MYO16: variants seen among roughly 807,000 people sequenced by gnomAD.
MYO16 encodes the protein myosin XVI.
A neutral mutation model predicts 205.3 loss-of-function variants in MYO16; 94 were observed. The observed-to-expected ratio is 0.46, with a 90% CI of 0.39 to 0.54. The LOEUF is 0.54. Ranked by LOEUF, MYO16 falls within the 20% of genes least tolerant of loss-of-function variation. MYO16 has a pLI of 0.00. For missense variants in MYO16, 2,315 were observed against 2,387.5 expected, an observed-to-expected ratio of 0.97 and a Z score of 0.63; for synonymous variants, 988 against 954.0, an observed-to-expected ratio of 1.04 and a Z score of -0.66.
At chr13:109,196,773 C>T (rs1236150743) in intron 34 of MYO16, among the ~76,000 whole-genome samples, 1 of 152,146 alleles carries the variant, frequency 6.6e-6, no homozygotes, top group East Asian at 1.9e-4. Flanking sequence ...CCGTATAAAC[C>T]GTGACTTTGC....
At chr13:108,928,050 C>T (rs1882088651) in intron 16 of MYO16, among the ~76,000 whole-genome samples, 1 of 152,248 alleles carries the variant, frequency 6.6e-6, no homozygotes, top group African/African-American at 2.4e-5. Flanking sequence ...CTGTCTCCTT[C>T]TTTGCTCTGC....
At chr13:108,682,038 GC>G (rs1178277765) in intron 2 of MYO16, among the ~76,000 whole-genome samples, 2 of 152,290 alleles carry the variant, frequency 1.3e-5, no homozygotes, top group East Asian at 3.9e-4. Context: ...GGAGGGTGGG[GC>G]CAGGAATCTG....
the MYO16 span, among the ~76,000 whole-genome samples, chr13:108,506,621 A>G: frequency 6.6e-6 from 1 of 152,080 alleles, no homozygotes; most frequent in Non-Finnish European, 1.5e-5. Context: ...ACAGAATTAC[A>G]TGTTAACGGA....
chr13:109,072,671 G>T (rs1409740485), intron 27 of MYO16, among the ~76,000 whole-genome samples: 1 of 151,942 alleles, frequency 6.6e-6, no homozygotes, highest in East Asian at 1.9e-4. Flanking sequence ...CTCAACCACG[G>T]CTGCTCACTA....
intron 29 of MYO16, among the ~76,000 whole-genome samples, chr13:109,123,614 G>C (rs928406103): frequency 7.2e-5 from 11 of 151,946 alleles, no homozygotes; most frequent in Non-Finnish European, 1.3e-4. Context: ...TTTTCCTTTA[G>C]GTTACTTCAG....
chr13:108,746,776 G>A (rs781779065), intron 4 of MYO16, among the ~76,000 whole-genome samples: 2 of 152,054 alleles, frequency 1.3e-5, no homozygotes, highest in African/African-American at 2.4e-5. Flanking sequence ...ACACAGATCC[G>A]AGATGCTCAG....
At chr13:108,590,454 T>G in the MYO16 span, among the ~76,000 whole-genome samples, 4 of 152,356 alleles carry the variant, frequency 2.6e-5, no homozygotes, top group East Asian at 7.7e-4. Context: ...CAGACTTTGC[T>G]GTGCACATTT....
intron 4 of MYO16, among the ~76,000 whole-genome samples, chr13:108,778,377 G>A (rs1490982783): frequency 6.6e-6 from 1 of 152,198 alleles, no homozygotes; most frequent in Middle Eastern, 3.2e-3. Context: ...CCAACACTTT[G>A]GGAGGCCAAG....
chr13:108,960,966 A>G (rs1028549441), intron 17 of MYO16, among the ~76,000 whole-genome samples: 1 of 152,178 alleles, frequency 6.6e-6, no homozygotes, highest in Non-Finnish European at 1.5e-5. Context: ...TTAAAAAACA[A>G]TTAGCATTTT....
intron 28 of MYO16, among the ~76,000 whole-genome samples, chr13:109,113,393 C>T (rs536644657): frequency 5.7e-4 from 87 of 151,924 alleles, no homozygotes; most frequent in Admixed American, 1.1e-3. Flanking sequence ...AAGGGCCATA[C>T]AATAAAAAAG....
intron 12 of MYO16, among the ~76,000 whole-genome samples, chr13:108,869,950 A>G: frequency 6.6e-6 from 1 of 151,360 alleles, no homozygotes; most frequent in East Asian, 1.9e-4. Flanking sequence ...GATCACCAGA[A>G]TAATGTCAGA....
chr13:108,608,452 C>A (rs1879043664), intron 1 of MYO16, among the ~76,000 whole-genome samples: 2 of 152,174 alleles, frequency 1.3e-5, no homozygotes, highest in Middle Eastern at 3.2e-3. Context: ...AGCCAGAACC[C>A]TTCCTTGCAC....
chr13:109,051,443 A>C (rs925464522), intron 24 of MYO16, among the ~76,000 whole-genome samples: 2 of 152,118 alleles, frequency 1.3e-5, no homozygotes, highest in Non-Finnish European at 2.9e-5. Context: ...TTCACATTTT[A>C]ATTTTGCAGT....
chr13:108,645,368 T>C (rs1308380570), intron 1 of MYO16, among the ~76,000 whole-genome samples: 3 of 152,210 alleles, frequency 2.0e-5, no homozygotes, highest in African/African-American at 7.2e-5. Context: ...GATTCCCCAG[T>C]GTCTACGATA....
rs186185611 is a variant in MYO16, at chr13:108,711,128, G to T, written c.293-1533G>T. ...GGGGGGAAGAGCATCTCCATACCAC[G>T]AAACAGGACGGTTCTTAGAAATACA... On this transcript the variant is annotated intron_variant, in intron 2 of 34. Transcript: ENST00000457511. Among the ~76,000 whole-genome samples, 2 of 152,168 alleles carry T rather than the reference G, an allele frequency of 1.3e-5. 1 individual carries two copies. Among genetic ancestry groups the T allele is most frequent in the South Asian group, 4.1e-4 (2 of 4,838 alleles).
At chr13:108,652,167 A>ATG (rs1881041591) in intron 1 of MYO16, among the ~76,000 whole-genome samples, 2 of 149,136 alleles carry the variant, frequency 1.3e-5, no homozygotes, top group African/African-American at 2.5e-5. Flanking sequence ...GCGCGCGCGC[A>ATG]TGTGTGCGCG....
At chr13:109,022,308 TTATATATTATATACAAATATATATTTATA>T (rs1378358847) in intron 23 of MYO16, among the ~76,000 whole-genome samples, 3 of 9,162 alleles carry the variant, frequency 3.3e-4, no homozygotes, top group Non-Finnish European at 5.1e-4. Context: ...AAATATATAT[TTATATATTATATACAAATATATATTTATA>T]TATTATATAC....
intron 23 of MYO16, among the ~76,000 whole-genome samples, chr13:109,036,140 A>G (rs1315310294): frequency 6.6e-6 from 1 of 152,172 alleles, no homozygotes; most frequent in East Asian, 1.9e-4. Flanking sequence ...GCTCCAGCCA[A>G]CCCCTGGACC....
chr13:108,551,813 C>A, the MYO16 span, among the ~76,000 whole-genome samples: 1 of 152,160 alleles, frequency 6.6e-6, no homozygotes, highest in Non-Finnish European at 1.5e-5. Context: ...GTGGTTTTCT[C>A]ATGGTAACTG....
Sources: allele counts gnomAD v4.1 joint callset (sites outside exome capture counted in the v4.1 genomes callset), GRCh38; gene constraint gnomAD v4.1.1; transcripts MANE v1.5; gene names NCBI Gene and HGNC (gene_info 2026-07-23, HGNC 2026-07-21).